The following ATXN7L1 variants were observed in gnomAD, a reference collection of about 807,000 sequenced individuals.
The protein encoded by ATXN7L1 is ataxin-7-like protein 1.
In ATXN7L1, 15 loss-of-function variants were observed where a neutral mutation model predicts 70.8. The observed-to-expected ratio is 0.21, with a 90% CI of 0.14 to 0.33. The LOEUF is 0.33. ATXN7L1 is among the 10% of genes least tolerant of loss of function. The pLI, the probability that ATXN7L1 is intolerant of heterozygous loss-of-function variation, is 1.00. For synonymous variants in ATXN7L1, 440 were observed against 445.1 expected (o/e 0.99, Z 0.14); for missense variants, 975 against 1,097.1 (o/e 0.89, Z 1.57).
intron 8 of ATXN7L1, among the ~76,000 whole-genome samples, chr7:105,620,786 T>A (rs753776273): frequency 6.6e-6 from 1 of 150,762 alleles, no homozygotes; most frequent in African/African-American, 2.4e-5. Flanking sequence ...TCCCAGCTCG[T>A]AGGGAGGCTG....
chr7:105,764,373 C>T (rs1800968994), intron 3 of ATXN7L1, among the ~76,000 whole-genome samples: 1 of 151,804 alleles, frequency 6.6e-6, no homozygotes, highest in Non-Finnish European at 1.5e-5. Context: ...AGTATAGTCC[C>T]AGGGCCAACA....
In ATXN7L1 at chr7:105,614,466, G is replaced by C; in HGVS notation, c.1868C>G (p.Thr623Ser). The C allele has an allele frequency of 6.5e-7, 1 of 1,538,176 alleles. No homozygotes were observed. The highest frequency in any genetic ancestry group is 1.2e-5 in the South Asian group (1 of 82,022). ...GTCTTTGACTTTTGAGGATTTGCTG[G>C]TTTTGGTTTTGGATGGCTTGTGGGA... ...SPSHKPSKTK[T>S]SKSSKVKDLS... Residue 623 changes from threonine (T) to serine (S), a missense_variant, in exon 10 of 12, where the codon ACC becomes AGC. Around this residue, in one of 5 missense-constraint regions of ATXN7L1, gnomAD observed 635 missense variants for 699.4 expected, o/e 0.91. Coordinates refer to ENST00000419735, the MANE Select transcript of ATXN7L1 (RefSeq NM_020725.2). The surrounding 1 kb of genome is among the most constrained non-coding windows in gnomAD (Gnocchi z 4.3).
At position 105,727,746 on chromosome 7, in the gene ATXN7L1, G is replaced by GTGTGTATATA. The variant is rs1333693053; in HGVS notation, c.355+60857_355+60858insTATATACACA. Among the ~76,000 whole-genome samples the GTGTGTATATA allele has an allele frequency of 3.1e-4, 17 of 55,342 alleles. 1 individual carries two copies. In the Middle Eastern group the frequency reaches 0.051, roughly 167 times the overall value. 36.3% of individuals were successfully genotyped at this position (55,342 alleles called of 152,430 possible). A position where few individuals can be genotyped will look rare whatever the true frequency, so the allele number is the denominator to read the frequency against. Reference sequence around the variant, plus strand: ...CATAGGGGTGTGTGTGTGTATGTGTGTATATATATATATATATATATATAT... The same window carrying GTGTGTATATA: ...CATAGGGGTGTGTGTGTGTATGTGTGTGTGTATATATATATATATATATATATATATATAT... On this transcript the variant is annotated intron_variant, in intron 3 of 11. Coordinates refer to ENST00000419735, the MANE Select transcript of ATXN7L1 (RefSeq NM_020725.2).
At position 105,614,605 on chromosome 7, in the gene ATXN7L1, G is replaced by A. The variant is rs1376504748; in HGVS notation, c.1729C>T (p.Leu577Phe). 6.4e-7 allele frequency: 1 copy of A among 1,551,854 alleles called. No homozygotes were observed. Among genetic ancestry groups the A allele is most frequent in the East Asian group, 2.4e-5 (1 of 40,912 alleles). Residue 577 changes from leucine (L) to phenylalanine (F), a missense_variant, in exon 10 of 12, where the codon CTC becomes TTC. This residue lies in a region of ATXN7L1 where 635 missense variants were observed against 699.4 expected (regional missense o/e 0.91). Coordinates refer to ENST00000419735, the MANE Select transcript of ATXN7L1 (RefSeq NM_020725.2). This position sits in a 1 kb window ranked among gnomAD's most constrained non-coding sequence, Gnocchi z 4.3. ...AFVTSPDPSALMSHTTAFPHV... is the reference protein window; with the variant it reads ...AFVTSPDPSAFMSHTTAFPHV... The stretch of plus-strand genomic sequence containing the variant: ...GGGAAAGCTGTGGTGTGGGACATGA[G>A]GGCGCTCGGGTCCGGCGATGTCACG...
At chr7:105,757,915 G>A (rs1800008062) in intron 3 of ATXN7L1, among the ~76,000 whole-genome samples, 1 of 152,038 alleles carries the variant, frequency 6.6e-6, no homozygotes, top group Admixed American at 6.6e-5. Context: ...GATACTCCTT[G>A]GAATTTACCC....
At chr7:105,749,732 C>A (rs968241658) in intron 3 of ATXN7L1, among the ~76,000 whole-genome samples, 1 of 119,764 alleles carries the variant, frequency 8.3e-6, no homozygotes, top group African/African-American at 2.6e-5. Flanking sequence ...TTGATTTCAT[C>A]TGGGCAGCAC....
intron 3 of ATXN7L1, among the ~76,000 whole-genome samples, chr7:105,751,359 C>G (rs931482895): frequency 6.6e-6 from 1 of 152,174 alleles, no homozygotes; most frequent in Non-Finnish European, 1.5e-5. Context: ...AAATGACATT[C>G]CCAGCACCCC....
intron 3 of ATXN7L1, among the ~76,000 whole-genome samples, chr7:105,739,915 T>C (rs684660): frequency 0.61 from 92,679 of 152,094 alleles, 30,886 homozygotes; most frequent in East Asian, 0.92. Context: ...TATGTGTTGG[T>C]ATAGGTTCAA....
chr7:105,757,884 C>T (rs942202248), intron 3 of ATXN7L1, among the ~76,000 whole-genome samples: 2 of 152,058 alleles, frequency 1.3e-5, no homozygotes, highest in African/African-American at 2.4e-5. Context: ...GCTACCATGC[C>T]TGGCTCTTTT....
chr7:105,661,270 A>G (rs1378932873), intron 4 of ATXN7L1, among the ~76,000 whole-genome samples: 7 of 152,134 alleles, frequency 4.6e-5, no homozygotes, highest in Non-Finnish European at 1.0e-4. Context: ...GTGCTCATTA[A>G]ATGTTGAGTA....
chr7:105,645,081 AGGGGAT>A (rs1798785979), intron 4 of ATXN7L1, among the ~76,000 whole-genome samples: 1 of 37,940 alleles, frequency 2.6e-5, no homozygotes, highest in African/African-American at 1.7e-4. Flanking sequence ...AGTGGTTGCC[AGGGGAT>A]GGGGAAGGGA....
intron 3 of ATXN7L1, among the ~76,000 whole-genome samples, chr7:105,700,288 C>T (rs1792269424): frequency 2.0e-5 from 3 of 152,020 alleles, no homozygotes; most frequent in African/African-American, 7.2e-5. Flanking sequence ...GGCGGATCAC[C>T]TGAGGCCAGG....
chr7:105,770,334 C>T (rs1418657267), intron 3 of ATXN7L1, among the ~76,000 whole-genome samples: 2 of 152,224 alleles, frequency 1.3e-5, no homozygotes, highest in East Asian at 3.8e-4. Context: ...TAAGCTTAAG[C>T]CTAATGCTAC....
chr7:105,607,979 T>A (rs1015234936), intron 11 of ATXN7L1, 89 bp from the exon 12 acceptor site: 8 of 1,224,196 alleles, frequency 6.5e-6, no homozygotes, highest in Non-Finnish European at 9.4e-6. Flanking sequence ...AGTTTTCTCA[T>A]CTATAATAGA....
rs368256993 is a variant in ATXN7L1, at chr7:105,614,278, A to G, written c.2056T>C (p.Leu686=). The G allele has an allele frequency of 4.0e-4, 613 of 1,551,878 alleles. 1 individual carries two copies. In the Middle Eastern group the frequency reaches 5.5e-3, roughly 14 times the overall value. ...KNCVLNASSA[L]NSYQAAPPYN... ...GGAGGGGCCGCCTGATAGGAGTTCAAAGCAGAACTGGCATTCAAAACACAG... is the reference window on the plus strand; with the variant it reads ...GGAGGGGCCGCCTGATAGGAGTTCAGAGCAGAACTGGCATTCAAAACACAG... Residue 686 remains leucine, a synonymous_variant, in exon 10 of 12, where the codon TTG becomes CTG. Coordinates refer to ENST00000419735, the MANE Select transcript of ATXN7L1 (RefSeq NM_020725.2). The surrounding 1 kb of genome is among the most constrained non-coding windows in gnomAD (Gnocchi z 4.3).
chr7:105,636,903 G>A lies in ATXN7L1; in HGVS notation c.1202+1450C>T, dbSNP rs115545583. Among the ~76,000 whole-genome samples the A allele has an allele frequency of 5.9e-3, 900 of 152,208 alleles. 9 individuals carry two copies. The highest frequency in any genetic ancestry group is 0.021 in the African/African-American group (857 of 41,512). The stretch of plus-strand genomic sequence containing the variant: ...AGGTTGTGCTGGAATGAAAATGTTC[G>A]ATAGCTACAAAGAAGTTTAAAAGTC... On this transcript the variant is annotated intron_variant, in intron 7 of 11. Coordinates refer to ENST00000419735, the MANE Select transcript of ATXN7L1 (RefSeq NM_020725.2).
chr7:105,715,835 G>A (rs1271722042), intron 3 of ATXN7L1, among the ~76,000 whole-genome samples: 1 of 152,226 alleles, frequency 6.6e-6, no homozygotes, highest in East Asian at 1.9e-4. Context: ...ATTCTGCAGT[G>A]ACATTTCAGT....
At chr7:105,852,221 C>T (rs1814989182) in intron 2 of ATXN7L1, among the ~76,000 whole-genome samples, 1 of 152,162 alleles carries the variant, frequency 6.6e-6, no homozygotes, top group East Asian at 1.9e-4. Flanking sequence ...TGGCAGGGAC[C>T]TTACAGTCCT....
At position 105,640,127 on chromosome 7, in the gene ATXN7L1, C is replaced by T. The variant is rs59602610; in HGVS notation, c.863-558G>A. ...CCTCTCTCATGCTTGACAAAGCTCTCGGCGCAGGCTTTGCACACAGCCTTG... is the reference window on the plus strand; with the variant it reads ...CCTCTCTCATGCTTGACAAAGCTCTTGGCGCAGGCTTTGCACACAGCCTTG... On this transcript the variant is annotated intron_variant, in intron 5 of 11. Coordinates refer to ENST00000419735, the MANE Select transcript of ATXN7L1 (RefSeq NM_020725.2). Among the ~76,000 whole-genome samples the T allele has an allele frequency of 1.1e-3, 164 of 152,288 alleles. 3 individuals are homozygous for T. In the East Asian group the frequency reaches 0.03, roughly 27 times the overall value.
Sources: allele counts gnomAD v4.1 joint callset (sites outside exome capture counted in the v4.1 genomes callset), GRCh38; gene constraint gnomAD v4.1.1; regional missense constraint gnomAD v4.1.1; non-coding constraint Gnocchi (gnomAD v3.1); transcripts MANE v1.5; gene names NCBI Gene and HGNC (gene_info 2026-07-23, HGNC 2026-07-21).